Variants in RAPGEF5 observed in about 807,000 individuals in gnomAD.
The protein encoded by RAPGEF5 is M-Ras-regulated GEF.
A neutral mutation model predicts 125.2 loss-of-function variants in RAPGEF5; 65 were observed. The ratio of observed to expected loss-of-function variants is 0.52; its 90% CI spans 0.43 to 0.64. RAPGEF5 has a LOEUF of 0.64. Ranked by LOEUF, RAPGEF5 falls within the 30% of genes least tolerant of loss-of-function variation. RAPGEF5 has a pLI of 0.00. For synonymous variants in RAPGEF5, 391 were observed against 385.9 expected (o/e 1.01, Z -0.16); for missense variants, 958 against 1,048.1 (o/e 0.91, Z 1.19).
intron 13 of RAPGEF5, among the ~76,000 whole-genome samples, chr7:22,161,452 T>G (rs1001678833): frequency 1.3e-5 from 2 of 151,652 alleles, no homozygotes; most frequent in Non-Finnish European, 2.9e-5. Context: ...TGCAAGGATC[T>G]CTCAAGCTCA....
chr7:22,124,594 AT>A (rs1357162906), intron 25 of RAPGEF5, among the ~76,000 whole-genome samples: 1 of 152,180 alleles, frequency 6.6e-6, no homozygotes, highest in Non-Finnish European at 1.5e-5. Flanking sequence ...GGTGTACTCA[AT>A]TGTTAGCAGT....
chr7:22,124,253 TA>T (rs1167268142), intron 25 of RAPGEF5, among the ~76,000 whole-genome samples: 1 of 152,200 alleles, frequency 6.6e-6, no homozygotes, highest in African/African-American at 2.4e-5. Flanking sequence ...GAATCCCCAG[TA>T]AACACTTGGG....
At chr7:22,249,908 C>T (rs1271214650) in intron 7 of RAPGEF5, among the ~76,000 whole-genome samples, 1 of 152,120 alleles carries the variant, frequency 6.6e-6, no homozygotes. Flanking sequence ...GAGGTACAGC[C>T]CAGGAATTAG....
At chr7:22,345,319 C>A (rs1389790862) in intron 1 of RAPGEF5, among the ~76,000 whole-genome samples, 2 of 152,168 alleles carry the variant, frequency 1.3e-5, no homozygotes, top group Non-Finnish European at 2.9e-5. Flanking sequence ...CCAGTAAGAT[C>A]TCTTTCAGCT....
intron 5 of RAPGEF5, among the ~76,000 whole-genome samples, chr7:22,301,993 C>T (rs73282254): frequency 2.0e-5 from 3 of 152,088 alleles, no homozygotes; most frequent in Non-Finnish European, 4.4e-5. Context: ...ATTTACATAT[C>T]GTCATATCCC....
intron 15 of RAPGEF5, among the ~76,000 whole-genome samples, chr7:22,157,109 G>C (rs982809174): frequency 1.1e-4 from 16 of 152,100 alleles, no homozygotes; most frequent in African/African-American, 3.9e-4. Context: ...CCAGCAGCAG[G>C]CCAAAAGCCC....
chr7:22,257,720 T>C (rs1171728081), intron 7 of RAPGEF5, among the ~76,000 whole-genome samples: 1 of 152,216 alleles, frequency 6.6e-6, no homozygotes, highest in Non-Finnish European at 1.5e-5. Flanking sequence ...AATACAGTAA[T>C]ATATATCTTG....
intron 6 of RAPGEF5, among the ~76,000 whole-genome samples, chr7:22,278,978 G>A (rs1161108747): frequency 6.6e-6 from 1 of 152,006 alleles, no homozygotes; most frequent in Non-Finnish European, 1.5e-5. Context: ...GTTCATATAT[G>A]CACACAGATC....
chr7:22,305,024 G>T (rs1036099981), intron 5 of RAPGEF5, among the ~76,000 whole-genome samples: 2 of 152,086 alleles, frequency 1.3e-5, no homozygotes, highest in Non-Finnish European at 2.9e-5. Flanking sequence ...ATAGGAAGGG[G>T]TCCTAGAATG....
At chr7:22,299,128 T>C (rs529846644) in intron 5 of RAPGEF5, among the ~76,000 whole-genome samples, 2 of 152,204 alleles carry the variant, frequency 1.3e-5, no homozygotes, top group South Asian at 4.1e-4. Flanking sequence ...TTGTAGTTTG[T>C]TTTTCTTTGG....
chr7:22,240,580 CCAGG>C (rs1285956606), intron 7 of RAPGEF5, among the ~76,000 whole-genome samples: 1 of 152,000 alleles, frequency 6.6e-6, no homozygotes, highest in African/African-American at 2.4e-5. Context: ...ACCATGTTGG[CCAGG>C]CTGGTCTTGG....
At chr7:22,272,788 G>A (rs551905445) in intron 6 of RAPGEF5, among the ~76,000 whole-genome samples, 5 of 152,036 alleles carry the variant, frequency 3.3e-5, no homozygotes, top group Non-Finnish European at 2.9e-5. Context: ...ACAAGGTTTC[G>A]CTCTGTTGCC....
Position 22,157,899 on chromosome 7 carries a change from T to C in RAPGEF5, c.1527-14A>G, listed in dbSNP as rs1346910456. ...TCATCTACAGTGCTGAAAGGAAAAATGGCAAGAAGTCAGTCTTTGTCTCAA... is the reference window on the plus strand; with the variant it reads ...TCATCTACAGTGCTGAAAGGAAAAACGGCAAGAAGTCAGTCTTTGTCTCAA... On this transcript the variant is annotated splice_polypyrimidine_tract_variant and intron_variant, in intron 14 of 25. Coordinates refer to ENST00000665637, the MANE Select transcript of RAPGEF5 (RefSeq NM_012294.5). 4 of 1,608,254 alleles carry C rather than the reference T, an allele frequency of 2.5e-6. No individual in the cohort carries two copies. Among genetic ancestry groups the C allele is most frequent in the Non-Finnish European group, 2.6e-6 (3 of 1,175,000 alleles).
At chr7:22,221,365 CT>C (rs1298992176) in intron 8 of RAPGEF5, among the ~76,000 whole-genome samples, 1 of 152,160 alleles carries the variant, frequency 6.6e-6, no homozygotes, top group Non-Finnish European at 1.5e-5. Context: ...CTAGTTTTGC[CT>C]TTTAAAGCAA....
intron 21 of RAPGEF5, among the ~76,000 whole-genome samples, chr7:22,137,653 A>G (rs1783119856): frequency 6.6e-6 from 1 of 152,204 alleles, no homozygotes; most frequent in Non-Finnish European, 1.5e-5. Flanking sequence ...GGTAAACAGC[A>G]CATATTTAAA....
chr7:22,234,692 G>T (rs1786142606), intron 7 of RAPGEF5, among the ~76,000 whole-genome samples: 1 of 152,142 alleles, frequency 6.6e-6, no homozygotes. Context: ...AGCCAAGAGG[G>T]ATTCAAGGTG....
chr7:22,226,927 A>G (rs1207400950), intron 8 of RAPGEF5, among the ~76,000 whole-genome samples: 1 of 152,152 alleles, frequency 6.6e-6, no homozygotes, highest in African/African-American at 2.4e-5. Context: ...CCACACTTAC[A>G]TGAAATTTAT....
At chr7:22,299,829 G>T (rs1783155338) in intron 5 of RAPGEF5, among the ~76,000 whole-genome samples, 1 of 148,316 alleles carries the variant, frequency 6.7e-6, no homozygotes, top group South Asian at 2.1e-4. Flanking sequence ...TGGCCTCCAT[G>T]GTTTCTAACA....
In RAPGEF5 at chr7:22,284,040, G is replaced by C. The variant is rs139485076; in HGVS notation, c.747+7135C>G. 3.0e-4 allele frequency among the ~76,000 whole-genome samples: 45 copies of C among 150,300 alleles called. No individual in the cohort carries two copies. In the East Asian group the frequency reaches 3.2e-3, roughly 11 times the overall value. ...TGATAGTTTCTTTGGAATTAGAGAT[G>C]ATGGCTTAGTAATTAATTTTAAAAA... On this transcript the variant is annotated intron_variant, in intron 6 of 25. Coordinates refer to ENST00000665637, the MANE Select transcript of RAPGEF5 (RefSeq NM_012294.5).
Sources: allele counts gnomAD v4.1 joint callset (sites outside exome capture counted in the v4.1 genomes callset), GRCh38; gene constraint gnomAD v4.1.1; transcripts MANE v1.5; gene names NCBI Gene and HGNC (gene_info 2026-07-23, HGNC 2026-07-21).